DDB1: variants seen among roughly 807,000 people sequenced by gnomAD.
DDB1 encodes DNA damage-binding protein 1.
In DDB1, 18 loss-of-function variants were observed where a neutral mutation model predicts 133.1. The ratio of observed to expected loss-of-function variants is 0.14; its 90% CI spans 0.09 to 0.20. The LOEUF (loss-of-function observed/expected upper bound fraction) is 0.20. DDB1 is among the 10% of genes least tolerant of loss of function. The pLI is 1.00. For synonymous variants in DDB1, 580 were observed against 550.5 expected (o/e 1.05, Z -0.75); for missense variants, 828 against 1,459.2 (o/e 0.57, Z 7.05).
At chr11:61,330,919 G>C (rs917891362) in intron 2 of DDB1, among the ~76,000 whole-genome samples, 2 of 152,160 alleles carry the variant, frequency 1.3e-5, no homozygotes, top group African/African-American at 4.8e-5. Flanking sequence ...GCCTCCCAAA[G>C]TGCTGGGGTT....
intron 21 of DDB1, among the ~76,000 whole-genome samples, chr11:61,305,124 G>C (rs1026553150): frequency 1.3e-5 from 2 of 152,064 alleles, no homozygotes; most frequent in African/African-American, 4.8e-5. Flanking sequence ...GAAACTCCTG[G>C]GCAGAACATA....
intron 25 of DDB1, 179 bp downstream of exon 25, chr11:61,302,078 G>A (rs552948022): frequency 3.4e-6 from 2 of 590,658 alleles, no homozygotes; most frequent in Non-Finnish European, 6.1e-6. Flanking sequence ...TCAATATACT[G>A]TTCTATTGTG....
chr11:61,312,760 G>A (rs1190625688), intron 16 of DDB1, among the ~76,000 whole-genome samples: 3 of 151,754 alleles, frequency 2.0e-5, no homozygotes, highest in African/African-American at 2.4e-5. Context: ...CACCACACCC[G>A]GCTAACTTTT....
intron 6 of DDB1, 128 bp downstream of exon 6, chr11:61,325,483 C>T (rs1191813530): frequency 1.1e-5 from 8 of 753,636 alleles, no homozygotes; most frequent in African/African-American, 3.5e-5. Context: ...AACGCAATAC[C>T]TTATATACAT....
intron 5 of DDB1, among the ~76,000 whole-genome samples, chr11:61,326,530 T>G (rs1038138580): frequency 6.6e-6 from 1 of 152,174 alleles, no homozygotes; most frequent in Non-Finnish European, 1.5e-5. Context: ...CAATGTTTTA[T>G]AGTCAATCCC....
chr11:61,310,172 CCCTCCTTTCTGCT>C, intron 19 of DDB1, 110 bp downstream of exon 19: 2 of 1,447,664 alleles, frequency 1.4e-6, no homozygotes, highest in Non-Finnish European at 1.9e-6. Context: ...GAATTCCCAC[CCCTCCTTTCTGCT>C]CCTCCTAGGA....
intron 10 of DDB1, among the ~76,000 whole-genome samples, chr11:61,320,116 TG>T (rs1404645319): frequency 4.6e-5 from 7 of 152,214 alleles, no homozygotes; most frequent in Non-Finnish European, 8.8e-5. Context: ...GAATTTGTAT[TG>T]TCTATAGTAG....
chr11:61,311,853 G>A lies in DDB1; in HGVS notation c.2208C>T (p.Leu736=), dbSNP rs1320890411. ...YQEVSQCFGV[L]SSRIEVQDTS... The stretch of plus-strand genomic sequence containing the variant: ...TGTCTTGGACTTCAATGCGGCTGGA[G>A]AGGACCCCGAAACACTGGGACACTT... Residue 736 remains leucine, a synonymous_variant, in exon 18 of 27, where the codon CTC becomes CTT. Transcript: ENST00000301764. 2 of 1,614,044 alleles carry A rather than the reference G, an allele frequency of 1.2e-6. No individual in the cohort carries two copies. The highest frequency in any genetic ancestry group is 1.7e-6 in the Non-Finnish European group (2 of 1,180,032).
chr11:61,310,458 A>C (rs1855946117), intron 18 of DDB1, 40 bp from the exon 19 acceptor site: 1 of 1,561,420 alleles, frequency 6.4e-7, no homozygotes, highest in Non-Finnish European at 8.7e-7. Flanking sequence ...TCTCAAACAC[A>C]GAAGAAGTGC....
chr11:61,304,963 G>C (rs1855862434), intron 21 of DDB1, among the ~76,000 whole-genome samples: 1 of 151,646 alleles, frequency 6.6e-6, no homozygotes, highest in South Asian at 2.1e-4. Flanking sequence ...ATCTCCAAAA[G>C]AATGAAAATG....
In DDB1 at chr11:61,300,814, G is replaced by A. The variant is rs201275562; in HGVS notation, c.3334C>T (p.Leu1112=). 9.3e-6 allele frequency: 15 copies of A among 1,614,182 alleles called. No individual in the cohort carries two copies. The East Asian group carries it at 3.3e-4, about 36-fold the overall frequency. Residue 1112 remains leucine (L), a synonymous_variant, in exon 26 of 27, where the codon CTA becomes TTA. Transcript: ENST00000301764. ...TTAAACACCACACAGCTCACCTGTA[G>A]GTTTGCCACCACCTCCTGCATCTTG... ...RPKMQEVVAN[L]QYDDGSGMKR... is the part of the protein sequence containing the mutation.
intron 9 of DDB1, 175 bp from the exon 10 acceptor site, chr11:61,321,872 A>T: frequency 1.6e-6 from 1 of 618,270 alleles, no homozygotes; most frequent in Non-Finnish European, 2.8e-6. Context: ...TTTACAGAGC[A>T]GACAGGACAT....
chr11:61,303,723 AAC>A, intron 22 of DDB1, 140 bp downstream of exon 22: 68 of 905,584 alleles, frequency 7.5e-5, no homozygotes, highest in Non-Finnish European at 9.5e-5. Context: ...AAAAAAAAAA[AAC>A]TTAATCAATG....
chr11:61,300,239 G>T lies in DDB1; in HGVS notation c.3340-20C>A. ...GTCATACTGCAATGAGAAGATGGGC[G>T]GGGCTGTGAGGACCAAGAGGGTGCT... is the stretch of plus-strand genomic sequence containing the variant. On this transcript the variant is annotated intron_variant, in intron 26 of 26. Transcript: ENST00000301764. 6.2e-7 allele frequency: 1 copy of T among 1,612,204 alleles called. No homozygotes were observed. The highest frequency in any genetic ancestry group is 8.5e-7 in the Non-Finnish European group (1 of 1,178,910).
chr11:61,319,274 T>C (rs1856138266), intron 10 of DDB1, among the ~76,000 whole-genome samples: 1 of 152,156 alleles, frequency 6.6e-6, no homozygotes, highest in Non-Finnish European at 1.5e-5. Context: ...GCCACCACTA[T>C]CATACACTGA....
In DDB1 at chr11:61,299,978, G is replaced by A; in HGVS notation, c.*158C>T. ...CTTCAGCTCATTCCCAAGTCTCTAT[G>A]AAGCCCGCCCCACTTCCACATAGGG... is the stretch of plus-strand genomic sequence containing the variant. On this transcript the variant is annotated 3_prime_UTR_variant, in exon 27 of 27. Coordinates refer to ENST00000301764, the MANE Select transcript of DDB1 (RefSeq NM_001923.5). 1.5e-6 allele frequency: 1 copy of A among 663,852 alleles called. No homozygotes were observed. Among genetic ancestry groups the A allele is most frequent in the Non-Finnish European group, 2.6e-6 (1 of 380,304 alleles). 41.1% of individuals were successfully genotyped at this position (663,852 alleles called of 1,614,324 possible). A position where few individuals can be genotyped will look rare whatever the true frequency, so the allele number is the denominator to read the frequency against.
At chr11:61,300,504 G>T (rs1033456602) in intron 26 of DDB1, among the ~76,000 whole-genome samples, 1 of 152,098 alleles carries the variant, frequency 6.6e-6, no homozygotes, top group South Asian at 2.1e-4. Flanking sequence ...TCCTCCCTAC[G>T]GGATCCTGAC....
intron 2 of DDB1, among the ~76,000 whole-genome samples, chr11:61,330,805 G>A (rs1364394135): frequency 6.6e-6 from 1 of 152,050 alleles, no homozygotes; most frequent in Non-Finnish European, 1.5e-5. Context: ...ACAGGCACGT[G>A]CCACCACACC....
At chr11:61,308,666 A>T (rs566979524) in intron 21 of DDB1, among the ~76,000 whole-genome samples, 39 of 152,340 alleles carry the variant, frequency 2.6e-4, no homozygotes, top group Admixed American at 2.4e-3. Context: ...GCTTTCAGGA[A>T]TGCACTCAGG....
Sources: gnomAD v4.1 joint callset for allele counts (sites outside exome capture counted in the v4.1 genomes callset) on GRCh38, gnomAD v4.1.1 for gene constraint, MANE v1.5 for transcripts, NCBI Gene and HGNC (gene_info 2026-07-23, HGNC 2026-07-21) for gene names.